Variants in RNLS observed in about 807,000 individuals in gnomAD.
RNLS encodes renalase, FAD dependent amine oxidase, also known as renalase.
A neutral mutation model predicts 39.8 loss-of-function variants in RNLS; 39 were observed. That is an observed-to-expected ratio of 0.98 (90% CI 0.76 to 1.28). The LOEUF is 1.28. RNLS is among the 50% of genes most tolerant of loss of function. RNLS has a pLI of 0.00. For missense variants in RNLS, 410 were observed against 413.3 expected, an observed-to-expected ratio of 0.99 and a Z score of 0.07; for synonymous variants, 147 against 150.7, an observed-to-expected ratio of 0.98 and a Z score of 0.18.
At chr10:88,554,302 T>C (rs1264269058) in intron 4 of RNLS, among the ~76,000 whole-genome samples, 2 of 152,274 alleles carry the variant, frequency 1.3e-5, no homozygotes, top group East Asian at 1.9e-4. Context: ...ATCTTACATG[T>C]ATGCAGCGTA....
At position 88,521,738 on chromosome 10, in the gene RNLS, A is replaced by G. The variant is rs1846751023; in HGVS notation, c.526+51165T>C. ...GGGCTTGGAGACAGAAAGTATAAAC[A>G]TAAGTAAAAAGAAAAAGAGTTAAAA... On this transcript the variant is annotated intron_variant, in intron 4 of 6. Coordinates refer to ENST00000331772, the MANE Select transcript of RNLS (RefSeq NM_001031709.3). Among the ~76,000 whole-genome samples, 3 of 152,194 alleles carry G rather than the reference A, an allele frequency of 2.0e-5. No individual in the cohort carries two copies. The Middle Eastern group carries it at 0.01, about 518-fold the overall frequency.
the RNLS span, among the ~76,000 whole-genome samples, chr10:88,223,747 T>C: frequency 1.3e-5 from 2 of 152,150 alleles, no homozygotes; most frequent in Non-Finnish European, 1.5e-5. Context: ...GGGCATACAG[T>C]AGGCCCATTT....
intron 4 of RNLS, among the ~76,000 whole-genome samples, chr10:88,451,415 G>T (rs1291428480): frequency 6.6e-6 from 1 of 152,140 alleles, no homozygotes; most frequent in Non-Finnish European, 1.5e-5. Context: ...TACGTCTAGA[G>T]CCCAGGTTTT....
At chr10:88,320,845 T>A (rs1846134946) in intron 5 of RNLS, among the ~76,000 whole-genome samples, 1 of 146,358 alleles carries the variant, frequency 6.8e-6, no homozygotes, top group East Asian at 2.0e-4. Context: ...AGCCTTACAA[T>A]AATAGTAGGG....
intron 5 of RNLS, among the ~76,000 whole-genome samples, chr10:88,354,117 G>T (rs1421622283): frequency 6.6e-6 from 1 of 152,160 alleles, no homozygotes; most frequent in African/African-American, 2.4e-5. Flanking sequence ...GTCTCTGCAA[G>T]TGAGATGGGT....
chr10:88,312,599 AG>A lies in RNLS; in HGVS notation c.876+1866del, dbSNP rs1845457287. Among the ~76,000 whole-genome samples, 6 of 152,348 alleles carry A rather than the reference AG, an allele frequency of 3.9e-5. No homozygotes were observed. In the South Asian group the frequency reaches 1.2e-3, roughly 32 times the overall value. On this transcript the variant is annotated intron_variant, in intron 6 of 6. Coordinates refer to ENST00000331772, the MANE Select transcript of RNLS (RefSeq NM_001031709.3). ...TGTCATTATTAGCTGTGGGGATTGAAGGAAGTTATTTCATCTCTGTGAGGCT... is the reference window on the plus strand; with the variant it reads ...TGTCATTATTAGCTGTGGGGATTGAAGAAGTTATTTCATCTCTGTGAGGCT...
At chr10:88,257,798 T>G in the RNLS span, among the ~76,000 whole-genome samples, 1 of 152,218 alleles carries the variant, frequency 6.6e-6, no homozygotes, top group Non-Finnish European at 1.5e-5. Flanking sequence ...CTTCAATTCA[T>G]GGACTTTCAC....
the RNLS span, among the ~76,000 whole-genome samples, chr10:88,186,528 G>A: frequency 6.6e-6 from 1 of 152,114 alleles, no homozygotes. Context: ...CAAGGTTATG[G>A]CATGAAAGTG....
At chr10:88,275,096 G>A in intron 6 of RNLS, 1 of 1,137,956 alleles carries the variant, frequency 8.8e-7, no homozygotes, top group Non-Finnish European at 1.3e-6. Context: ...CTGACACCTT[G>A]TCTACACTAA....
the RNLS span, among the ~76,000 whole-genome samples, chr10:88,221,489 A>G: frequency 6.6e-6 from 1 of 152,238 alleles, no homozygotes; most frequent in Non-Finnish European, 1.5e-5. Context: ...TATTCCAATG[A>G]ATGGAGTTAC....
chr10:88,473,172 C>T (rs185601355), intron 4 of RNLS, among the ~76,000 whole-genome samples: 2 of 152,152 alleles, frequency 1.3e-5, no homozygotes, highest in East Asian at 3.9e-4. Flanking sequence ...AGAAAAGGTA[C>T]AGTAAAAATA....
At chr10:88,546,586 A>C (rs1349107470) in intron 4 of RNLS, among the ~76,000 whole-genome samples, 2 of 152,142 alleles carry the variant, frequency 1.3e-5, no homozygotes, top group Non-Finnish European at 2.9e-5. Flanking sequence ...ACAATGAATA[A>C]GCCAATGAAA....
chr10:88,248,569 G>A, the RNLS span, among the ~76,000 whole-genome samples: 3 of 152,126 alleles, frequency 2.0e-5, no homozygotes, highest in Non-Finnish European at 4.4e-5. Context: ...CATCACTGAT[G>A]CTATGGATAA....
At chr10:88,482,418 A>G (rs1205787761) in intron 4 of RNLS, among the ~76,000 whole-genome samples, 1 of 152,102 alleles carries the variant, frequency 6.6e-6, no homozygotes, top group Non-Finnish European at 1.5e-5. Context: ...CTATCATCTC[A>G]AATCTGCTAC....
chr10:88,321,921 C>A (rs1846212455), intron 5 of RNLS, among the ~76,000 whole-genome samples: 2 of 152,186 alleles, frequency 1.3e-5, no homozygotes, highest in African/African-American at 4.8e-5. Flanking sequence ...TTCCAAAACA[C>A]TGAGGCGGAG....
At chr10:88,377,797 T>C (rs529751513) in intron 4 of RNLS, among the ~76,000 whole-genome samples, 13 of 152,258 alleles carry the variant, frequency 8.5e-5, no homozygotes, top group African/African-American at 2.9e-4. Flanking sequence ...CTACTCTAAA[T>C]TTATTTTAAC....
intron 6 of RNLS, among the ~76,000 whole-genome samples, chr10:88,297,695 T>C (rs1038715060): frequency 2.0e-5 from 3 of 152,240 alleles, no homozygotes; most frequent in African/African-American, 7.2e-5. Flanking sequence ...GGCTGAATGA[T>C]ATTCCCCTGT....
the RNLS span, among the ~76,000 whole-genome samples, chr10:88,219,929 C>T: frequency 6.6e-6 from 1 of 152,300 alleles, no homozygotes. Context: ...AGGGGAATCT[C>T]CTCTGGGGAA....
chr10:88,495,529 T>C (rs1262191710), intron 4 of RNLS, among the ~76,000 whole-genome samples: 1 of 152,160 alleles, frequency 6.6e-6, no homozygotes, highest in African/African-American at 2.4e-5. Flanking sequence ...GCACAAGGAT[T>C]ATGTCAAAGT....
Sources: gnomAD v4.1 joint callset for allele counts (sites outside exome capture counted in the v4.1 genomes callset) on GRCh38, gnomAD v4.1.1 for gene constraint, MANE v1.5 for transcripts, NCBI Gene and HGNC (gene_info 2026-07-23, HGNC 2026-07-21) for gene names.